RNF144A: variants seen among roughly 807,000 people sequenced by gnomAD.
RNF144A encodes ring finger protein 144A.
In RNF144A, 11 loss-of-function variants were observed where a neutral mutation model predicts 38.7. That is an observed-to-expected ratio of 0.28 (90% CI 0.18 to 0.47). The LOEUF is 0.47. RNF144A is among the 20% of genes least tolerant of loss of function. The pLI, the probability that RNF144A is intolerant of heterozygous loss-of-function variation, is 0.99. For synonymous variants in RNF144A, 149 were observed against 143.9 expected (o/e 1.04, Z -0.25); for missense variants, 316 against 377.2 (o/e 0.84, Z 1.34).
At chr2:7,058,449 TG>T (rs1673827753) in intron 6 of RNF144A, among the ~76,000 whole-genome samples, 1 of 152,138 alleles carries the variant, frequency 6.6e-6, no homozygotes, top group Non-Finnish European at 1.5e-5. Flanking sequence ...TTCTACAAAT[TG>T]AACATCATAA....
chr2:7,069,361 G>A (rs1289816974), downstream of RNF144A, among the ~76,000 whole-genome samples: 1 of 152,208 alleles, frequency 6.6e-6, no homozygotes, highest in Admixed American at 6.5e-5. Flanking sequence ...ACAAGCTTGA[G>A]CACCAGAGGG....
At chr2:7,049,807 G>T (rs920094402) in intron 6 of RNF144A, among the ~76,000 whole-genome samples, 4 of 152,168 alleles carry the variant, frequency 2.6e-5, no homozygotes, top group African/African-American at 9.7e-5. Flanking sequence ...CCAACAAAGT[G>T]AGCTTCTGTC....
intron 3 of RNF144A, among the ~76,000 whole-genome samples, chr2:7,011,554 C>A (rs1228654436): frequency 6.6e-6 from 1 of 152,184 alleles, no homozygotes; most frequent in Non-Finnish European, 1.5e-5. Context: ...CGCCATATGA[C>A]TTTTGTGCAT....
chr2:6,967,564 C>T (rs1034275899), intron 2 of RNF144A, among the ~76,000 whole-genome samples: 3 of 152,234 alleles, frequency 2.0e-5, no homozygotes, highest in African/African-American at 7.2e-5. Context: ...TCAGCTGCTG[C>T]TCCCTACTTC....
chr2:7,060,525 G>T (rs189733954), intron 6 of RNF144A, among the ~76,000 whole-genome samples: 1 of 152,142 alleles, frequency 6.6e-6, no homozygotes, highest in Non-Finnish European at 1.5e-5. Flanking sequence ...TTTCCCCCTG[G>T]CAAAACTTCA....
chr2:6,923,936 G>T (rs1360464794), intron 1 of RNF144A, among the ~76,000 whole-genome samples: 10 of 151,932 alleles, frequency 6.6e-5, no homozygotes, highest in Non-Finnish European at 5.9e-5. Context: ...CATTCTCTCA[G>T]TGCCTATCAT....
intron 1 of RNF144A, among the ~76,000 whole-genome samples, chr2:6,924,905 G>A (rs1258684846): frequency 1.3e-5 from 2 of 152,364 alleles, no homozygotes; most frequent in African/African-American, 2.4e-5. Flanking sequence ...CATAACACAG[G>A]CTGTGTGCTC....
intron 1 of RNF144A, among the ~76,000 whole-genome samples, chr2:6,922,814 CG>C (rs1279323854): frequency 1.3e-5 from 2 of 152,048 alleles, no homozygotes; most frequent in Non-Finnish European, 2.9e-5. Context: ...TTAGTAGAGA[CG>C]GGGTTTCACT....
chr2:7,016,722 A>G (rs1343324958), intron 5 of RNF144A, among the ~76,000 whole-genome samples: 1 of 152,100 alleles, frequency 6.6e-6, no homozygotes, highest in Non-Finnish European at 1.5e-5. Context: ...CAGCACCTTG[A>G]AAGAGTTTGG....
rs1283097227 is a variant in RNF144A, at chr2:7,041,797, C to T, written c.*2037C>T. On this transcript the variant is annotated 3_prime_UTR_variant, in exon 9 of 9. Transcript: ENST00000320892. Reference sequence around the variant, plus strand: ...TGCTGCTGCCCATCGCATGAGCCCACACAGTAGCACCCCCGTCCTTAGGAT... The same window carrying T: ...TGCTGCTGCCCATCGCATGAGCCCATACAGTAGCACCCCCGTCCTTAGGAT... 4 of 985,458 alleles carry T rather than the reference C, an allele frequency of 4.1e-6. No individual in the cohort carries two copies. The Admixed American group carries it at 1.8e-4, about 45-fold the overall frequency. The allele number at this position is 985,458 out of a possible 1,614,324, so 61.0% of individuals were successfully genotyped here.
chr2:6,972,699 C>G (rs898470767), intron 2 of RNF144A, among the ~76,000 whole-genome samples: 13 of 152,288 alleles, frequency 8.5e-5, no homozygotes, highest in African/African-American at 3.1e-4. Flanking sequence ...TTGTGTTCCA[C>G]CCTGGGGGTG....
At chr2:6,945,443 C>G (rs911023183) in intron 2 of RNF144A, among the ~76,000 whole-genome samples, 6 of 152,160 alleles carry the variant, frequency 3.9e-5, no homozygotes, top group African/African-American at 1.4e-4. Flanking sequence ...ATATTCTGTG[C>G]TCTAGGCTAT....
chr2:6,996,890 G>A lies in RNF144A; in HGVS notation c.-11-26G>A, dbSNP rs576334659. The A allele has an allele frequency of 6.6e-5, 106 of 1,605,682 alleles. 1 individual carries two copies. The South Asian group carries it at 1.1e-3, about 17-fold the overall frequency. ...GTGGATGCCAGGGGTGGGGAGGTCT[G>A]ACCTTCCGTGCTTCTCTCGTTTCAG... On this transcript the variant is annotated intron_variant, in intron 2 of 8. Coordinates refer to ENST00000320892, the MANE Select transcript of RNF144A (RefSeq NM_014746.6).
Position 6,917,642 on chromosome 2 carries a change from C to T in RNF144A, c.-212+20C>T, listed in dbSNP as rs1013631658. On this transcript the variant is annotated intron_variant, in intron 1 of 8. Transcript: ENST00000320892. This position sits in a 1 kb window ranked among gnomAD's most constrained non-coding sequence, Gnocchi z 4.8. ...GCCCAGGTAGAGTGACGCGCGTCCC[C>T]TTTGTGTCCGCATCGCCCGGGCCGG... 6 of 147,764 alleles carry T rather than the reference C, an allele frequency of 4.1e-5. No individual in the cohort carries two copies. Among genetic ancestry groups the T allele is most frequent in the Non-Finnish European group, 9.0e-5 (6 of 66,308 alleles). The allele number at this position is 147,764 out of a possible 1,614,324, so 9.2% of individuals were successfully genotyped here.
chr2:7,038,820 G>A (rs1672850288), intron 8 of RNF144A, among the ~76,000 whole-genome samples: 1 of 151,938 alleles, frequency 6.6e-6, no homozygotes, highest in African/African-American at 2.4e-5. Flanking sequence ...GTAGATGGGT[G>A]GATAGGTGGA....
At position 7,024,403 on chromosome 2, in the gene RNF144A, A is replaced by G. The variant is rs1671739099; in HGVS notation, c.544A>G (p.Ile182Val). The change falls in exon 7 of 9, where the codon ATC (isoleucine) becomes GTC (valine). Residue 182 changes from isoleucine to valine, a missense_variant. By Grantham distance (29) the Ile-to-Val change is conservative. Transcript: ENST00000320892. ...CAAAATGGAAGAAGATGACGCGCCC[A>G]TCAAGCGCTGCCCCAAGTGCAAAGT... is the stretch of plus-strand genomic sequence containing the variant. ...AFKMEEDDAPIKRCPKCKVYI... is the reference protein window; with the variant it reads ...AFKMEEDDAPVKRCPKCKVYI... The G allele has an allele frequency of 1.2e-6, 2 of 1,610,884 alleles. No individual in the cohort carries two copies. Among genetic ancestry groups the G allele is most frequent in the Non-Finnish European group, 1.7e-6 (2 of 1,177,132 alleles).
chr2:6,982,228 A>G (rs969581447), intron 2 of RNF144A, among the ~76,000 whole-genome samples: 1 of 152,252 alleles, frequency 6.6e-6, no homozygotes, highest in Non-Finnish European at 1.5e-5. Context: ...AAAGTAGAAT[A>G]CAGAATAGAG....
chr2:7,042,042 A>G lies in RNF144A; in HGVS notation c.*2282A>G, dbSNP rs1365015945. On this transcript the variant is annotated 3_prime_UTR_variant, in exon 9 of 9. Transcript: ENST00000320892. ...TTCTGGGGCCAGCCAGGGGCAGTCA[A>G]ATTGGCACCTACTGGCTCTGACTTT... is the stretch of plus-strand genomic sequence containing the variant. The G allele has an allele frequency of 7.1e-6, 7 of 985,380 alleles. No homozygotes were observed. In the South Asian group the frequency reaches 2.8e-4, roughly 40 times the overall value. 61.0% of individuals were successfully genotyped at this position (985,380 alleles called of 1,614,324 possible). A position where few individuals can be genotyped will look rare whatever the true frequency, so the allele number is the denominator to read the frequency against.
At chr2:7,055,268 A>G (rs1249099459) in intron 6 of RNF144A, among the ~76,000 whole-genome samples, 1 of 151,978 alleles carries the variant, frequency 6.6e-6, no homozygotes, top group Non-Finnish European at 1.5e-5. Context: ...CCCCCAACCT[A>G]CCCAGCTGAA....
Sources: allele counts gnomAD v4.1 joint callset (sites outside exome capture counted in the v4.1 genomes callset), GRCh38; gene constraint gnomAD v4.1.1; non-coding constraint Gnocchi (gnomAD v3.1); transcripts MANE v1.5; gene names NCBI Gene and HGNC (gene_info 2026-07-23, HGNC 2026-07-21).